Variants in CEP350 observed in about 807,000 individuals in gnomAD.
CEP350 encodes the protein centrosomal protein 350, also known as centrosome-associated protein 350.
CEP350 carries 126 observed loss-of-function variants against 331.8 expected under a neutral mutation model. That is an observed-to-expected ratio of 0.38 (90% CI 0.33 to 0.44). CEP350 has a LOEUF of 0.44. CEP350 is among the 20% of genes least tolerant of loss of function. CEP350 has a pLI of 1.00. For missense variants in CEP350, 3,406 were observed against 3,634.6 expected (o/e 0.94, Z 1.62); for synonymous variants, 1,200 against 1,259.5 (o/e 0.95, Z 1.00).
rs571693398 is a variant in CEP350, at chr1:180,040,545, C to T, written c.4111-593C>T. Among the ~76,000 whole-genome samples, 39 of 151,966 alleles carry T rather than the reference C, an allele frequency of 2.6e-4. 1 individual carries two copies. In the South Asian group the frequency reaches 7.7e-3, roughly 30 times the overall value. ...TCAAGTGATCCTCCCATCTTGGCCT[C>T]CCAAAGTGCTGGGATTGCAGACATG... is the stretch of plus-strand genomic sequence containing the variant. On this transcript the variant is annotated intron_variant, in intron 17 of 37. Transcript: ENST00000367607.
chr1:180,045,905 A>G (rs945688294), intron 21 of CEP350, among the ~76,000 whole-genome samples: 11 of 152,108 alleles, frequency 7.2e-5, no homozygotes, highest in South Asian at 2.1e-4. Flanking sequence ...CTCTCTTACT[A>G]TACCCCACTC....
At chr1:180,065,569 C>A (rs1363590561) in intron 27 of CEP350, among the ~76,000 whole-genome samples, 1 of 151,798 alleles carries the variant, frequency 6.6e-6, no homozygotes, top group Non-Finnish European at 1.5e-5. Flanking sequence ...ATCATCTGAG[C>A]CCAGGAATTC....
chr1:180,050,581 T>C (rs1400633229), intron 22 of CEP350, among the ~76,000 whole-genome samples: 1 of 150,550 alleles, frequency 6.6e-6, no homozygotes, highest in Non-Finnish European at 1.5e-5. Flanking sequence ...GAGAATTGCT[T>C]GAACCCGGGA....
chr1:180,045,165 A>C (rs1657040956), intron 21 of CEP350, among the ~76,000 whole-genome samples: 1 of 152,172 alleles, frequency 6.6e-6, no homozygotes, highest in African/African-American at 2.4e-5. Flanking sequence ...AACATGGCAA[A>C]GCCCCATCTC....
rs538571605 is a variant in CEP350, at chr1:180,033,274, T to C, written c.3726-588T>C. ...TGCCTTAAGAGTTGTTACAAACTGT[T>C]ATGTTACTTATTAGAAAGTTCAAGA... is the stretch of plus-strand genomic sequence containing the variant. On this transcript the variant is annotated intron_variant, in intron 15 of 37. Transcript: ENST00000367607. 7.2e-5 allele frequency among the ~76,000 whole-genome samples: 11 copies of C among 152,260 alleles called. No individual in the cohort carries two copies. In the East Asian group the frequency reaches 1.9e-3, roughly 27 times the overall value.
At position 180,077,337 on chromosome 1, in the gene CEP350, AGATCTTTATATAGAAAAAT is replaced by A. The variant is rs1275638532; in HGVS notation, c.5768-1125_5768-1107del. ...GAATAAATTTAACAAAAAGTGTACA[AGATCTTTATATAGAAAAAT>A]TTAGAATTTTATTAGGAGACATTAA... On this transcript the variant is annotated intron_variant, in intron 28 of 37. Coordinates refer to ENST00000367607, the MANE Select transcript of CEP350 (RefSeq NM_014810.5). Among the ~76,000 whole-genome samples, 3 of 151,654 alleles carry A rather than the reference AGATCTTTATATAGAAAAAT, an allele frequency of 2.0e-5. No homozygotes were observed. In the East Asian group the frequency reaches 5.8e-4, roughly 29 times the overall value.
In CEP350 at chr1:180,065,185, G is replaced by A. The variant is rs374451172; in HGVS notation, c.5480G>A (p.Arg1827His). 106 of 1,613,630 alleles carry A rather than the reference G, an allele frequency of 6.6e-5. 1 individual carries two copies. In the East Asian group the frequency reaches 9.1e-4, roughly 14 times the overall value. The change falls in exon 27 of 38, where the codon CGC (arginine) becomes CAC (histidine). Residue 1827 changes from arginine to histidine, a missense_variant. By Grantham distance (29) the Arg-to-His change is conservative (BLOSUM62 0). This residue lies in a region of CEP350 where 1,415 missense variants were observed against 1,512.3 expected (regional missense o/e 0.94). Transcript: ENST00000367607. ...TSPGPTDLET[R>H]SPSPISISSS... ...CCTGGTCCAACTGACTTGGAGACCC[G>A]CAGTCCTTCTCCCATTTCAATCTCC...
intron 14 of CEP350, among the ~76,000 whole-genome samples, 169 bp downstream of exon 14, chr1:180,024,751 G>A (rs1180107789): frequency 6.6e-6 from 1 of 151,934 alleles, no homozygotes; most frequent in Non-Finnish European, 1.5e-5. Flanking sequence ...ATAACATCAT[G>A]AATCTTTTCC....
intron 27 of CEP350, 52 bp from the exon 28 acceptor site, chr1:180,074,970 T>C: frequency 6.8e-7 from 1 of 1,463,764 alleles, no homozygotes; most frequent in Non-Finnish European, 9.2e-7. Context: ...CTCAAAGTGA[T>C]CTCTGCATAT....
At chr1:180,040,447 T>C (rs746004845) in intron 17 of CEP350, among the ~76,000 whole-genome samples, 1 of 151,974 alleles carries the variant, frequency 6.6e-6, no homozygotes, top group African/African-American at 2.4e-5. Context: ...TCTTTTGTTT[T>C]GTTCTAATTA....
chr1:180,004,877 T>G (rs75057537), intron 7 of CEP350, among the ~76,000 whole-genome samples: 5,543 of 72,248 alleles, frequency 0.077, 159 homozygotes, highest in African/African-American at 0.15. Flanking sequence ...CTGGCTGGCT[T>G]GCTTGCTTGC....
chr1:180,022,621 T>C (rs1655401979), intron 12 of CEP350, 77 bp from the exon 13 acceptor site: 4 of 1,307,330 alleles, frequency 3.1e-6, no homozygotes, highest in Non-Finnish European at 4.3e-6. Flanking sequence ...ATATTGCTAA[T>C]CTCCATGTAT....
intron 17 of CEP350, among the ~76,000 whole-genome samples, chr1:180,038,418 G>T (rs1205320961): frequency 6.6e-6 from 1 of 152,116 alleles, no homozygotes; most frequent in Non-Finnish European, 1.5e-5. Context: ...CCTAGGAGTG[G>T]AATTGCTTGG....
chr1:179,983,785 A>G (rs1652457741), intron 1 of CEP350, among the ~76,000 whole-genome samples: 1 of 152,230 alleles, frequency 6.6e-6, no homozygotes. Context: ...CAGGTTTAAT[A>G]TATTTGTAAG....
intron 16 of CEP350, among the ~76,000 whole-genome samples, chr1:180,034,802 A>T (rs1166205829): frequency 1.3e-5 from 2 of 152,182 alleles, no homozygotes; most frequent in East Asian, 3.9e-4. Context: ...TGGCCTCCTT[A>T]TCCCTGAGAC....
At chr1:180,000,185 A>AT (rs1408145040) in intron 6 of CEP350, among the ~76,000 whole-genome samples, 5 of 152,236 alleles carry the variant, frequency 3.3e-5, no homozygotes, top group African/African-American at 1.2e-4. Flanking sequence ...TAAAGTTAAC[A>AT]TATAAGATGC....
intron 1 of CEP350, among the ~76,000 whole-genome samples, chr1:179,985,223 A>G (rs1395724486): frequency 1.3e-5 from 2 of 152,060 alleles, no homozygotes; most frequent in African/African-American, 4.8e-5. Flanking sequence ...GACTATTCTG[A>G]CTGTCTCATG....
chr1:179,956,946 A>T (rs1650216627), intron 1 of CEP350, among the ~76,000 whole-genome samples: 1 of 152,138 alleles, frequency 6.6e-6, no homozygotes, highest in Non-Finnish European at 1.5e-5. Context: ...TTAAAAAATT[A>T]TTCTATTTTT....
At position 180,095,938 on chromosome 1, in the gene CEP350, A is replaced by T; in HGVS notation, c.8919+8A>T. Reference sequence around the variant, plus strand: ...AAAAGGGTCTACAAACAGGTAGGTGAAATAAAAGGATAATTTTAGTTTTTA... The same window carrying T: ...AAAAGGGTCTACAAACAGGTAGGTGTAATAAAAGGATAATTTTAGTTTTTA... On this transcript the variant is annotated splice_region_variant and intron_variant, in intron 35 of 37. Transcript: ENST00000367607. The T allele has an allele frequency of 6.3e-7, 1 of 1,588,772 alleles. No individual in the cohort carries two copies. The highest frequency in any genetic ancestry group is 8.6e-7 in the Non-Finnish European group (1 of 1,168,988).
Sources: allele counts gnomAD v4.1 joint callset (sites outside exome capture counted in the v4.1 genomes callset), GRCh38; gene constraint gnomAD v4.1.1; regional missense constraint gnomAD v4.1.1; transcripts MANE v1.5; gene names NCBI Gene and HGNC (gene_info 2026-07-23, HGNC 2026-07-21).